The following SOCS7 variants were observed in gnomAD, a reference collection of about 807,000 sequenced individuals.
SOCS7 encodes NAP-4.
Under a neutral mutation model 58.9 loss-of-function variants are expected in SOCS7, and 18 were observed. The observed-to-expected ratio is 0.31, with a 90% confidence interval of 0.21 to 0.45. The LOEUF (loss-of-function observed/expected upper bound fraction) is 0.45, where lower values mean the gene tolerates loss of function less well. SOCS7 is among the 20% of genes least tolerant of loss of function. SOCS7 has a pLI of 1.00. For missense variants in SOCS7, 667 were observed against 837.3 expected (o/e 0.80, Z 2.51); for synonymous variants, 388 against 364.3 (o/e 1.06, Z -0.74).
intron 6 of SOCS7, among the ~76,000 whole-genome samples, chr17:38,369,351 T>C (rs894614295): frequency 1.3e-5 from 2 of 152,186 alleles, no homozygotes; most frequent in African/African-American, 4.8e-5. Flanking sequence ...TAGGTCAGCA[T>C]AGCTTTGTCC....
chr17:38,371,099 T>C (rs891759447), intron 6 of SOCS7, among the ~76,000 whole-genome samples: 1 of 152,096 alleles, frequency 6.6e-6, no homozygotes, highest in Non-Finnish European at 1.5e-5. Context: ...TATCCCTTTT[T>C]TGTGTTTGTT....
At chr17:38,368,167 C>A in intron 6 of SOCS7, 117 bp downstream of exon 6, 2 of 904,112 alleles carry the variant, frequency 2.2e-6, no homozygotes, top group Non-Finnish European at 1.7e-6. Flanking sequence ...GAAAAATTAT[C>A]TTAGACTCAG....
At chr17:38,397,221 G>A (rs1351829214) in intron 9 of SOCS7, among the ~76,000 whole-genome samples, 1 of 152,210 alleles carries the variant, frequency 6.6e-6, no homozygotes, top group Non-Finnish European at 1.5e-5. Context: ...TGCATTTGAT[G>A]GGTTTTCCTA....
intron 7 of SOCS7, among the ~76,000 whole-genome samples, chr17:38,394,149 C>T (rs2038214557): frequency 6.6e-6 from 1 of 152,184 alleles, no homozygotes; most frequent in African/African-American, 2.4e-5. Flanking sequence ...TGGATGTCTC[C>T]ATGCTGTGGC....
chr17:38,352,442 G>A lies in SOCS7; in HGVS notation c.390G>A (p.Gly130=). The A allele has an allele frequency of 6.9e-7, 1 of 1,458,636 alleles. No individual in the cohort carries two copies. Among genetic ancestry groups the A allele is most frequent in the East Asian group, 2.6e-5 (1 of 39,060 alleles). The allele number at this position is 1,458,636 out of a possible 1,614,324, so 90.4% of individuals were successfully genotyped here. ...LEAQLAALGL[G]QPAGPGVKTV... is the part of the protein sequence containing the mutation. ...CGCAGTTGGCGGCTCTGGGGCTCGGGCAGCCGGCGGGGCCGGGGGTCAAGA... is the reference window on the plus strand; with the variant it reads ...CGCAGTTGGCGGCTCTGGGGCTCGGACAGCCGGCGGGGCCGGGGGTCAAGA... The change falls in exon 1 of 10, where the codon GGG becomes GGA. Residue 130 remains glycine (G), a synonymous_variant. Coordinates refer to ENST00000612932, the MANE Select transcript of SOCS7 (RefSeq NM_014598.4). This position sits in a 1 kb window ranked among gnomAD's most constrained non-coding sequence, Gnocchi z 5.5.
At chr17:38,358,111 T>C (rs2037664009) in intron 1 of SOCS7, among the ~76,000 whole-genome samples, 1 of 152,202 alleles carries the variant, frequency 6.6e-6, no homozygotes, top group South Asian at 2.1e-4. Context: ...CCCTGTCCTT[T>C]TCTGTCACCT....
At chr17:38,353,885 C>G (rs144176454) in intron 1 of SOCS7, among the ~76,000 whole-genome samples, 5 of 152,212 alleles carry the variant, frequency 3.3e-5, no homozygotes, top group Non-Finnish European at 7.3e-5. Flanking sequence ...GTGATCGTGC[C>G]ACTGCACTCC....
intron 7 of SOCS7, among the ~76,000 whole-genome samples, chr17:38,389,767 T>C (rs2038126075): frequency 1.4e-5 from 2 of 142,720 alleles, no homozygotes; most frequent in South Asian, 4.6e-4. Context: ...GCCTATATTT[T>C]CTTCTAGGAG....
At position 38,389,902 on chromosome 17, in the gene SOCS7, C is replaced by CATATATAT. The variant is rs1316838528; in HGVS notation, c.1682-5402_1682-5401insTATATATA. 2.7e-3 allele frequency among the ~76,000 whole-genome samples: 177 copies of CATATATAT among 64,690 alleles called. 13 individuals are homozygous for CATATATAT. The highest frequency in any genetic ancestry group is 0.015 in the African/African-American group (170 of 10,972). 42.4% of individuals were successfully genotyped at this position (64,690 alleles called of 152,430 possible). A position where few individuals can be genotyped will look rare whatever the true frequency, so the allele number is the denominator to read the frequency against. Reference sequence around the variant, plus strand: ...ATATATGTACATATATATATATACACATATAGAGAGAGAGAGAGAGAGAGA... The same window carrying CATATATAT: ...ATATATGTACATATATATATATACACATATATATATATAGAGAGAGAGAGAGAGAGAGA... On this transcript the variant is annotated intron_variant, in intron 7 of 9. Transcript: ENST00000612932.
chr17:38,386,921 T>TA (rs997767361), intron 7 of SOCS7, among the ~76,000 whole-genome samples: 5 of 149,690 alleles, frequency 3.3e-5, no homozygotes, highest in African/African-American at 9.9e-5. Flanking sequence ...CCGTCTCTAC[T>TA]AAAAAATAGA....
Position 38,352,943 on chromosome 17 carries a change from C to T in SOCS7, c.891C>T (p.Thr297=). 4 of 1,607,894 alleles carry T rather than the reference C, an allele frequency of 2.5e-6. No homozygotes were observed. The highest frequency in any genetic ancestry group is 3.4e-6 in the Non-Finnish European group (4 of 1,178,470). Reference sequence around the variant, plus strand: ...GTGGCTCCGGCGGTGGGGATGGGACCGGCAAGAGGCCTTCTGGAGAGCTGG... The same window carrying T: ...GTGGCTCCGGCGGTGGGGATGGGACTGGCAAGAGGCCTTCTGGAGAGCTGG... ...CNGGSGGGDG[T]GKRPSGELAA... The change falls in exon 1 of 10, where the codon ACC becomes ACT. Residue 297 remains threonine, a synonymous_variant. Coordinates refer to ENST00000612932, the MANE Select transcript of SOCS7 (RefSeq NM_014598.4). This position sits in a 1 kb window ranked among gnomAD's most constrained non-coding sequence, Gnocchi z 5.5.
intron 7 of SOCS7, among the ~76,000 whole-genome samples, chr17:38,387,133 G>GTGTATA (rs1269515665): frequency 8.2e-5 from 6 of 73,476 alleles, no homozygotes; most frequent in African/African-American, 4.2e-4. Flanking sequence ...ATATATGTAT[G>GTGTATA]TATATATATA....
chr17:38,374,427 A>G (rs1406873650), intron 6 of SOCS7, among the ~76,000 whole-genome samples: 1 of 151,926 alleles, frequency 6.6e-6, no homozygotes, highest in African/African-American at 2.4e-5. Flanking sequence ...AGTCCCAGGT[A>G]CTCGGGAGGG....
At chr17:38,379,145 G>A (rs1310942022) in intron 7 of SOCS7, among the ~76,000 whole-genome samples, 1 of 135,534 alleles carries the variant, frequency 7.4e-6, no homozygotes, top group African/African-American at 2.8e-5. Flanking sequence ...GTGACACAGC[G>A]AGACCCTGTC....
At chr17:38,384,946 G>A (rs1254355479) in intron 7 of SOCS7, among the ~76,000 whole-genome samples, 7 of 127,454 alleles carry the variant, frequency 5.5e-5, no homozygotes, top group African/African-American at 2.2e-4. Context: ...GTCCAGGCTA[G>A]AGTGCAGTGG....
chr17:38,358,068 C>T (rs1292962413), intron 1 of SOCS7, among the ~76,000 whole-genome samples: 2 of 152,318 alleles, frequency 1.3e-5, no homozygotes, highest in Non-Finnish European at 2.9e-5. Context: ...CAAAGGACTG[C>T]TGGCCTCAAA....
chr17:38,373,085 A>G (rs2037888432), intron 6 of SOCS7, among the ~76,000 whole-genome samples: 1 of 151,962 alleles, frequency 6.6e-6, no homozygotes. Context: ...CAGCCTGGGC[A>G]ACAAGAGCAG....
intron 5 of SOCS7, 92 bp from the exon 6 acceptor site, chr17:38,367,790 C>T: frequency 8.6e-7 from 1 of 1,164,170 alleles, no homozygotes; most frequent in Non-Finnish European, 1.2e-6. Flanking sequence ...GGAGAGAATG[C>T]AGAGGGTTCT....
Position 38,404,464 on chromosome 17 carries a change from C to T in SOCS7, c.*4982C>T, listed in dbSNP as rs2038363465. On this transcript the variant is annotated 3_prime_UTR_variant, in exon 10 of 10. Coordinates refer to ENST00000612932, the MANE Select transcript of SOCS7 (RefSeq NM_014598.4). ...GCTGAGTTTGTGACCTGCTTCATTC[C>T]CATTTCATTTCTAGAGGGTTTAGAG... 6.6e-6 allele frequency: 1 copy of T among 152,306 alleles called. No individual in the cohort carries two copies. Among genetic ancestry groups the T allele is most frequent in the African/African-American group, 2.4e-5 (1 of 41,440 alleles). 9.4% of individuals were successfully genotyped at this position (152,306 alleles called of 1,614,324 possible).
Sources: allele counts gnomAD v4.1 joint callset (sites outside exome capture counted in the v4.1 genomes callset), GRCh38; gene constraint gnomAD v4.1.1; non-coding constraint Gnocchi (gnomAD v3.1); transcripts MANE v1.5; gene names NCBI Gene and HGNC (gene_info 2026-07-23, HGNC 2026-07-21).